ATG10: variants seen among roughly 807,000 people sequenced by gnomAD.
The protein encoded by ATG10 is autophagy related 10, also known as ubiquitin-like-conjugating enzyme ATG10.
A neutral mutation model predicts 32.1 loss-of-function variants in ATG10; 30 were observed. The observed-to-expected ratio is 0.94, with a 90% CI of 0.70 to 1.27. The LOEUF is 1.27. ATG10 is among the 50% of genes most tolerant of loss of function. ATG10 has a pLI of 0.00. For missense variants in ATG10, 233 were observed against 262.3 expected (o/e 0.89, Z 0.77); for synonymous variants, 87 against 91.5 (o/e 0.95, Z 0.28).
chr5:82,026,165 C>A (rs1762589033), intron 2 of ATG10, among the ~76,000 whole-genome samples: 1 of 152,164 alleles, frequency 6.6e-6, no homozygotes, highest in African/African-American at 2.4e-5. Flanking sequence ...CAGCCCCTGG[C>A]AACCACCATT....
At chr5:82,139,714 G>A (rs1378149932) in intron 3 of ATG10, among the ~76,000 whole-genome samples, 2 of 144,698 alleles carry the variant, frequency 1.4e-5, no homozygotes, top group African/African-American at 5.1e-5. Context: ...GGGAGGTGGG[G>A]GGGGGTCAGC....
rs74793677 is a variant in ATG10 at position 82,142,630 on chromosome 5, A to G, written c.217-21769A>G. 9.4e-3 allele frequency among the ~76,000 whole-genome samples: 1,434 copies of G among 152,284 alleles called. 6 individuals carry two copies. The highest frequency in any genetic ancestry group is 0.013 in the Non-Finnish European group (904 of 68,028). On this transcript the variant is annotated intron_variant, in intron 3 of 7. Coordinates refer to ENST00000282185, the MANE Select transcript of ATG10 (RefSeq NM_031482.5). ...ATCGAATATTGACCTGTGTAACTGC[A>G]TTGTCATGTGCTAGAAAGATACTGT... is the stretch of plus-strand genomic sequence containing the variant.
intron 3 of ATG10, among the ~76,000 whole-genome samples, chr5:82,128,168 G>C (rs887881709): frequency 1.3e-5 from 2 of 151,550 alleles, no homozygotes; most frequent in Non-Finnish European, 2.9e-5. Context: ...CCTTTATTTT[G>C]AGCCTATGTG....
intron 3 of ATG10, among the ~76,000 whole-genome samples, chr5:82,086,813 A>G (rs1440921345): frequency 1.3e-5 from 2 of 152,214 alleles, no homozygotes; most frequent in African/African-American, 2.4e-5. Flanking sequence ...ACAGTGTATA[A>G]TATTCCTTCA....
intron 2 of ATG10, among the ~76,000 whole-genome samples, chr5:82,033,001 T>G (rs966719497): frequency 2.0e-5 from 3 of 152,058 alleles, no homozygotes; most frequent in Admixed American, 6.6e-5. Flanking sequence ...GCTTTAGTGG[T>G]AACATATACA....
Position 82,253,432 on chromosome 5 carries a change from A to G in ATG10, c.*4+3A>G. The G allele has an allele frequency of 6.6e-7, 1 of 1,516,318 alleles. No individual in the cohort carries two copies. The highest frequency in any genetic ancestry group is 9.2e-7 in the Non-Finnish European group (1 of 1,091,080). 93.9% of individuals were successfully genotyped at this position (1,516,318 alleles called of 1,614,324 possible). A position where few individuals can be genotyped will look rare whatever the true frequency, so the allele number is the denominator to read the frequency against. Reference sequence around the variant, plus strand: ...TGAACGAAATGTCCCTTAACAAGGTAAAAGAAAAGCCTGGATTTAATGTTT... The same window carrying G: ...TGAACGAAATGTCCCTTAACAAGGTGAAAGAAAAGCCTGGATTTAATGTTT... On this transcript the variant is annotated splice_donor_region_variant and intron_variant, in intron 7 of 7. Coordinates refer to ENST00000282185, the MANE Select transcript of ATG10 (RefSeq NM_031482.5).
At chr5:82,157,581 G>T (rs1581752437) in intron 3 of ATG10, among the ~76,000 whole-genome samples, 2 of 152,016 alleles carry the variant, frequency 1.3e-5, no homozygotes, top group South Asian at 4.2e-4. Flanking sequence ...ATTACTTAAG[G>T]TCCCACAGAT....
intron 3 of ATG10, among the ~76,000 whole-genome samples, chr5:82,140,620 C>G (rs1188261358): frequency 1.9e-5 from 1 of 52,108 alleles, no homozygotes; most frequent in Non-Finnish European, 4.3e-5. Context: ...CCCCCCTGCC[C>G]GGCCAGCCGC....
At chr5:82,194,587 G>C (rs141703167) in intron 5 of ATG10, among the ~76,000 whole-genome samples, 133 of 152,286 alleles carry the variant, frequency 8.7e-4, no homozygotes, top group African/African-American at 3.1e-3. Context: ...ACTGAGATCA[G>C]TGTGGCCAGG....
chr5:82,151,539 T>C (rs895214039), intron 3 of ATG10, among the ~76,000 whole-genome samples: 3 of 151,984 alleles, frequency 2.0e-5, no homozygotes, highest in African/African-American at 7.3e-5. Context: ...CCTGGATATC[T>C]GGGATGATAT....
chr5:82,077,583 T>C (rs574129826), intron 3 of ATG10, among the ~76,000 whole-genome samples: 5 of 151,978 alleles, frequency 3.3e-5, no homozygotes, highest in African/African-American at 1.2e-4. Context: ...TTTTTTTTTT[T>C]CAGAACTCAA....
chr5:82,095,867 C>A (rs1765040118), intron 3 of ATG10, among the ~76,000 whole-genome samples: 2 of 152,106 alleles, frequency 1.3e-5, no homozygotes, highest in Admixed American at 1.3e-4. Context: ...CTGTGTTTTT[C>A]TTAAAACAAG....
intron 3 of ATG10, among the ~76,000 whole-genome samples, chr5:82,102,530 A>G (rs1014918419): frequency 1.3e-5 from 2 of 152,198 alleles, no homozygotes; most frequent in African/African-American, 2.4e-5. Flanking sequence ...ATTGTTTGCC[A>G]AATTAGAAAA....
intron 5 of ATG10, among the ~76,000 whole-genome samples, chr5:82,203,048 C>G (rs1383570099): frequency 6.6e-6 from 1 of 151,944 alleles, no homozygotes; most frequent in Non-Finnish European, 1.5e-5. Context: ...GCCAATGTGG[C>G]AAAACCCCGT....
intron 5 of ATG10, among the ~76,000 whole-genome samples, chr5:82,225,056 A>G (rs542904269): frequency 7.2e-5 from 11 of 152,286 alleles, no homozygotes; most frequent in East Asian, 5.8e-4. Context: ...CATTTCTTCA[A>G]TATTTTTGGT....
chr5:81,979,853 T>TG, intron 1 of ATG10, among the ~76,000 whole-genome samples: 1 of 151,616 alleles, frequency 6.6e-6, no homozygotes, highest in East Asian at 1.9e-4. Flanking sequence ...AATCTTTTTT[T>TG]TTTTCCATCT....
At chr5:82,187,557 C>T (rs1744500808) in intron 5 of ATG10, among the ~76,000 whole-genome samples, 1 of 150,596 alleles carries the variant, frequency 6.6e-6, no homozygotes, top group Admixed American at 6.6e-5. Flanking sequence ...TTCTTTCTCA[C>T]TATCTTTCAC....
chr5:82,101,013 G>A (rs1283737525), intron 3 of ATG10, among the ~76,000 whole-genome samples: 1 of 152,086 alleles, frequency 6.6e-6, no homozygotes, highest in Admixed American at 6.5e-5. Context: ...TGACTCAGAT[G>A]GTGAGGAAGC....
intron 2 of ATG10, among the ~76,000 whole-genome samples, chr5:82,057,369 G>T (rs1455044273): frequency 2.0e-5 from 3 of 152,146 alleles, no homozygotes; most frequent in Admixed American, 2.0e-4. Flanking sequence ...AAATCAAGAT[G>T]TTGGCAGGGT....
Sources: allele counts gnomAD v4.1 joint callset (sites outside exome capture counted in the v4.1 genomes callset), GRCh38; gene constraint gnomAD v4.1.1; transcripts MANE v1.5; gene names NCBI Gene and HGNC (gene_info 2026-07-23, HGNC 2026-07-21).